FDFT1: variants seen among roughly 807,000 people sequenced by gnomAD.
FDFT1 encodes the protein farnesyl-diphosphate farnesyltransferase 1, also known as squalene synthase.
A neutral mutation model predicts 46.8 loss-of-function variants in FDFT1; 68 were observed. The ratio of observed to expected loss-of-function variants is 1.45; its 90% CI spans 1.19 to 1.78. FDFT1 has a LOEUF of 1.78. Ranked by LOEUF, FDFT1 falls within the 40% of genes most tolerant of loss-of-function variation. The pLI is 0.00. For missense variants in FDFT1, 928 were observed against 524.4 expected, an observed-to-expected ratio of 1.77 and a Z score of -7.52; for synonymous variants, 351 against 185.1, an observed-to-expected ratio of 1.90 and a Z score of -7.28.
At chr8:11,808,975 G>A in intron 2 of FDFT1, 84 bp downstream of exon 2, 3 of 1,544,088 alleles carry the variant, frequency 1.9e-6, no homozygotes, top group Non-Finnish European at 2.6e-6. Context: ...TTTTGATATA[G>A]CGCTCAGCGT....
At position 11,834,637 on chromosome 8, in the gene FDFT1, G is replaced by C. The variant is rs560350332; in HGVS notation, c.1032+2967G>C. On this transcript the variant is annotated intron_variant, in intron 7 of 7. Coordinates refer to ENST00000220584, the MANE Select transcript of FDFT1 (RefSeq NM_004462.5). Reference sequence around the variant, plus strand: ...CCTTTTTTTCCCAAATGATGTTTTTGCTTTAATGGAAGTTTAGATGTTCAT... The same window carrying C: ...CCTTTTTTTCCCAAATGATGTTTTTCCTTTAATGGAAGTTTAGATGTTCAT... Among the ~76,000 whole-genome samples the C allele has an allele frequency of 3.3e-5, 5 of 152,246 alleles. No individual in the cohort carries two copies. The East Asian group carries it at 5.8e-4, about 18-fold the overall frequency.
exon 1 of FDFT1, chr8:11,795,833 A>C (rs1025930843): frequency 6.5e-6 from 1 of 152,862 alleles, no homozygotes; most frequent in Non-Finnish European, 1.5e-5. Flanking sequence ...CAGCGAGACC[A>C]CGAACCCACC....
chr8:11,807,815 A>G (rs551185145), intron 1 of FDFT1: 1 of 152,270 alleles, frequency 6.6e-6, no homozygotes, highest in Non-Finnish European at 1.5e-5. Context: ...AATAGGTGTC[A>G]TAGAAAAACC....
intron 1 of FDFT1, chr8:11,803,715 A>G: frequency 4.2e-6 from 1 of 238,712 alleles, no homozygotes; most frequent in Non-Finnish European, 8.4e-6. Flanking sequence ...CCAACAGGAC[A>G]GTAGCAAATG....
chr8:11,835,187 C>A (rs1229169960), intron 7 of FDFT1, among the ~76,000 whole-genome samples: 1 of 152,200 alleles, frequency 6.6e-6, no homozygotes, highest in Non-Finnish European at 1.5e-5. Flanking sequence ...TCGGCTATGA[C>A]CTGTCCTTGA....
chr8:11,803,657 GTTC>G lies in FDFT1; in HGVS notation c.99+731_99+733del, dbSNP rs558385985. ...TGAATGAATAGACAAATTCAGCCAA[GTTC>G]TTCTGGTCTGGACCAGCCTGGCTGA... On this transcript the variant is annotated intron_variant, in intron 1 of 7. Coordinates refer to ENST00000220584, the MANE Select transcript of FDFT1 (RefSeq NM_004462.5). 1.5e-4 allele frequency: 66 copies of G among 441,282 alleles called. 1 individual carries two copies. Among genetic ancestry groups the G allele is most frequent in the South Asian group, 1.4e-3 (56 of 39,642 alleles). 27.3% of individuals were successfully genotyped at this position (441,282 alleles called of 1,614,324 possible).
At chr8:11,809,112 G>T (rs1159161587) in intron 2 of FDFT1, 2 of 1,291,308 alleles carry the variant, frequency 1.5e-6, no homozygotes, top group Non-Finnish European at 2.0e-6. Context: ...AGAAGAGGGG[G>T]GAGGGGGTGA....
Position 11,830,343 on chromosome 8 carries a change from C to T in FDFT1, c.802C>T (p.His268Tyr), listed in dbSNP as rs1810604430. ...GAATGAACTTATAACCAATGCACTG[C>T]ACCACATCCCAGATGTCATCACCTA... ...CLNELITNAL[H>Y]HIPDVITYLS... Residue 268 changes from histidine (H) to tyrosine (Y), a missense_variant, in exon 6 of 8, where the codon CAC becomes TAC. Physicochemically the swap from His to Tyr is moderately conservative, Grantham distance 83 (BLOSUM62 2). Coordinates refer to ENST00000220584, the MANE Select transcript of FDFT1 (RefSeq NM_004462.5). 2.5e-6 allele frequency: 4 copies of T among 1,613,582 alleles called. No homozygotes were observed. The highest frequency in any genetic ancestry group is 1.1e-5 in the South Asian group (1 of 91,060).
At position 11,827,894 on chromosome 8, in the gene FDFT1, A is replaced by G. The variant is rs565946783; in HGVS notation, c.702+1679A>G. 1.9e-3 allele frequency among the ~76,000 whole-genome samples: 287 copies of G among 148,496 alleles called. 2 individuals carry two copies. The highest frequency in any genetic ancestry group is 2.9e-3 in the Non-Finnish European group (191 of 66,702). The stretch of plus-strand genomic sequence containing the variant: ...ATCTCTTAAAACAAAACAAAACAAA[A>G]CAAAACAAAAAAAACAGTAAAAATT... On this transcript the variant is annotated intron_variant, in intron 5 of 7. Coordinates refer to ENST00000220584, the MANE Select transcript of FDFT1 (RefSeq NM_004462.5).
intron 1 of FDFT1, among the ~76,000 whole-genome samples, chr8:11,796,234 CTG>C (rs1167530570): frequency 6.6e-6 from 1 of 152,118 alleles, no homozygotes; most frequent in Non-Finnish European, 1.5e-5. Flanking sequence ...GGAAAAAGTG[CTG>C]TGTGAGGATG....
chr8:11,827,295 T>A (rs1444402264), intron 5 of FDFT1, among the ~76,000 whole-genome samples: 1 of 151,938 alleles, frequency 6.6e-6, no homozygotes, highest in African/African-American at 2.4e-5. Context: ...AAAAAATTGT[T>A]AGAAAATGAT....
chr8:11,834,871 C>G (rs1811325353), intron 7 of FDFT1, among the ~76,000 whole-genome samples: 1 of 152,212 alleles, frequency 6.6e-6, no homozygotes, highest in African/African-American at 2.4e-5. Context: ...CACCTGTAAT[C>G]CCAAAACTTT....
intron 7 of FDFT1, among the ~76,000 whole-genome samples, chr8:11,832,663 C>T (rs1226179493): frequency 1.3e-5 from 2 of 150,796 alleles, no homozygotes; most frequent in South Asian, 4.2e-4. Flanking sequence ...TTGCTCCCCT[C>T]CCCCCAGAGG....
At chr8:11,802,983 G>A (rs1267394353) in intron 1 of FDFT1, 52 bp downstream of exon 1, 5 of 1,549,910 alleles carry the variant, frequency 3.2e-6, no homozygotes, top group Middle Eastern at 2.0e-4. Context: ...TCGCTGGGCC[G>A]GCCTCAGGGC....
intron 2 of FDFT1, chr8:11,809,432 T>C: frequency 8.0e-7 from 1 of 1,254,612 alleles, no homozygotes; most frequent in Non-Finnish European, 1.0e-6. Flanking sequence ...CTTCTGGGAG[T>C]AGTGGTGACA....
chr8:11,831,286 T>A (rs560067241), intron 6 of FDFT1, among the ~76,000 whole-genome samples: 2 of 152,246 alleles, frequency 1.3e-5, no homozygotes, highest in African/African-American at 4.8e-5. Context: ...GTGGCTACAT[T>A]ATAGAATTGT....
Position 11,805,075 on chromosome 8 carries a change from A to C in FDFT1, c.99+2144A>C, listed in dbSNP as rs554185215. On this transcript the variant is annotated intron_variant, in intron 1 of 7. Transcript: ENST00000220584. ...GACTCCAGGCACGTGTCACCAATGC[A>C]TGGCTAATTTTTAAATTTTTTTGTA... Among the ~76,000 whole-genome samples, 245 of 106,306 alleles carry C rather than the reference A, an allele frequency of 2.3e-3. 3 individuals carry two copies. The highest frequency in any genetic ancestry group is 7.5e-3 in the African/African-American group (237 of 31,586). 69.7% of individuals were successfully genotyped at this position (106,306 alleles called of 152,430 possible).
Position 11,838,790 on chromosome 8 carries a change from G to C in FDFT1, c.*181G>C, listed in dbSNP as rs1811932168. 1 of 610,716 alleles carries C rather than the reference G, an allele frequency of 1.6e-6. No homozygotes were observed. 37.8% of individuals were successfully genotyped at this position (610,716 alleles called of 1,614,324 possible). Reference sequence around the variant, plus strand: ...GAAGAACCTAAACATGAAAGGAAAGGGTGCCTCATCCCAGCAACCTGTCCT... The same window carrying C: ...GAAGAACCTAAACATGAAAGGAAAGCGTGCCTCATCCCAGCAACCTGTCCT... On this transcript the variant is annotated 3_prime_UTR_variant, in exon 8 of 8. Transcript: ENST00000220584.
rs1399671566 is a variant in FDFT1, at chr8:11,826,182, C to T, written c.669C>T (p.Asp223=). Residue 223 remains aspartate (D), a synonymous_variant, in exon 5 of 8, where the codon GAC becomes GAT. Coordinates refer to ENST00000220584, the MANE Select transcript of FDFT1 (RefSeq NM_004462.5). ...KTNIIRDYLE[D]QQGGREFWPQ... ...ACATCATCCGTGACTATCTGGAAGA[C>T]CAGCAAGGAGGAAGAGAGTTCTGGC... 3.2e-6 allele frequency: 5 copies of T among 1,580,048 alleles called. No homozygotes were observed. The highest frequency in any genetic ancestry group is 2.3e-5 in the South Asian group (2 of 87,698).
Sources: gnomAD v4.1 joint callset for allele counts (sites outside exome capture counted in the v4.1 genomes callset) on GRCh38, gnomAD v4.1.1 for gene constraint, MANE v1.5 for transcripts, NCBI Gene and HGNC (gene_info 2026-07-23, HGNC 2026-07-21) for gene names.